The following GRIN2A variants were observed in gnomAD, a reference collection of about 807,000 sequenced individuals.
The protein encoded by GRIN2A is glutamate receptor ionotropic, NMDA 2A.
GRIN2A carries 22 observed loss-of-function variants against 113.4 expected under a neutral mutation model. That is an observed-to-expected ratio of 0.19 (90% CI 0.14 to 0.28). The LOEUF is 0.28. Ranked by LOEUF, GRIN2A falls within the 10% of genes least tolerant of loss-of-function variation. GRIN2A has a pLI of 1.00. For missense variants in GRIN2A, 1,502 were observed against 1,887.0 expected, an observed-to-expected ratio of 0.80 and a Z score of 3.78; for synonymous variants, 827 against 738.4, an observed-to-expected ratio of 1.12 and a Z score of -1.94.
rs762437402 is a variant in GRIN2A, at chr16:9,763,314, C to G, written c.4230G>C (p.Ser1410=). 6.2e-7 allele frequency: 1 copy of G among 1,614,096 alleles called. No individual in the cohort carries two copies. Among genetic ancestry groups the G allele is most frequent in the Non-Finnish European group, 8.5e-7 (1 of 1,179,974 alleles). ...YLRSSLRSTA[S]YCSRDSRGHN... is the part of the protein sequence containing the mutation. ...GGCCCCGACTGTCCCTGGAACAGTACGATGCCGTTGACCTCAAGGACGACC... is the reference window on the plus strand; with the variant it reads ...GGCCCCGACTGTCCCTGGAACAGTAGGATGCCGTTGACCTCAAGGACGACC... Residue 1410 remains serine (S), a synonymous_variant, in exon 13 of 13, where the codon TCG becomes TCC. Coordinates refer to ENST00000330684, the MANE Select transcript of GRIN2A (RefSeq NM_001134407.3).
At chr16:10,066,984 GCA>G (rs1217539275) in intron 2 of GRIN2A, among the ~76,000 whole-genome samples, 1 of 152,164 alleles carries the variant, frequency 6.6e-6, no homozygotes, top group African/African-American at 2.4e-5. Flanking sequence ...TGCTACACCA[GCA>G]CACTCCCTAG....
chr16:9,886,332 A>G (rs145604919), intron 4 of GRIN2A, among the ~76,000 whole-genome samples: 1 of 152,226 alleles, frequency 6.6e-6, no homozygotes, highest in Admixed American at 6.5e-5. Flanking sequence ...TGAAAGATGG[A>G]TAAGAGAAAG....
intron 2 of GRIN2A, among the ~76,000 whole-genome samples, chr16:10,015,080 C>G (rs2046577169): frequency 6.6e-6 from 1 of 151,584 alleles, no homozygotes; most frequent in Non-Finnish European, 1.5e-5. Context: ...ATAGTGAAAT[C>G]TCATCTCTAC....
intron 2 of GRIN2A, among the ~76,000 whole-genome samples, chr16:9,980,217 G>A (rs2045864470): frequency 6.7e-6 from 1 of 149,082 alleles, no homozygotes; most frequent in Admixed American, 6.7e-5. Context: ...AGGTTGCAGT[G>A]AGCCGAGATC....
intron 11 of GRIN2A, among the ~76,000 whole-genome samples, chr16:9,785,768 T>C (rs1472633081): frequency 4.6e-5 from 7 of 152,154 alleles, no homozygotes. Context: ...AGAAAGGATG[T>C]AGAAATGCCC....
chr16:10,123,606 C>T (rs1276205522), intron 2 of GRIN2A, among the ~76,000 whole-genome samples: 4 of 151,702 alleles, frequency 2.6e-5, no homozygotes, highest in African/African-American at 7.3e-5. Context: ...GCACGTGAAT[C>T]GCCGAGGGAT....
intron 2 of GRIN2A, among the ~76,000 whole-genome samples, chr16:10,114,987 T>C (rs2048701511): frequency 6.6e-6 from 1 of 152,266 alleles, no homozygotes; most frequent in South Asian, 2.1e-4. Context: ...CGTCCCCACA[T>C]GGCATTAATC....
At chr16:9,774,857 T>C (rs1269070116) in intron 11 of GRIN2A, among the ~76,000 whole-genome samples, 2 of 152,204 alleles carry the variant, frequency 1.3e-5, no homozygotes, top group African/African-American at 4.8e-5. Context: ...GGGGGTGGGA[T>C]GGACCACATA....
At chr16:10,124,273 C>T (rs2048885752) in intron 2 of GRIN2A, among the ~76,000 whole-genome samples, 2 of 152,118 alleles carry the variant, frequency 1.3e-5, no homozygotes, top group Admixed American at 6.5e-5. Context: ...TGAGATCCTT[C>T]GTTTGCTTAC....
At chr16:10,021,461 G>T (rs527751806) in intron 2 of GRIN2A, among the ~76,000 whole-genome samples, 1 of 152,198 alleles carries the variant, frequency 6.6e-6, no homozygotes, top group East Asian at 1.9e-4. Flanking sequence ...GCAGTCTACC[G>T]CAGACTCCAA....
At chr16:9,991,453 G>C (rs998978653) in intron 2 of GRIN2A, among the ~76,000 whole-genome samples, 5 of 152,146 alleles carry the variant, frequency 3.3e-5, no homozygotes, top group Non-Finnish European at 7.4e-5. Flanking sequence ...TTGTTATATG[G>C]ATATATTGTG....
Position 10,170,913 on chromosome 16 carries a change from C to T in GRIN2A, c.414+9085G>A, listed in dbSNP as rs534924102. On this transcript the variant is annotated intron_variant, in intron 2 of 12. Transcript: ENST00000330684. ...AAAAAAAAAAAATTGTGTTGTACACCTTTAATATATACAATTTTTCTTTGT... is the reference window on the plus strand; with the variant it reads ...AAAAAAAAAAAATTGTGTTGTACACTTTTAATATATACAATTTTTCTTTGT... Among the ~76,000 whole-genome samples, 5 of 151,556 alleles carry T rather than the reference C, an allele frequency of 3.3e-5. No individual in the cohort carries two copies. The East Asian group carries it at 9.7e-4, about 29-fold the overall frequency.
In GRIN2A at chr16:9,901,978, T is replaced by C. The variant is rs189160974; in HGVS notation, c.1008-10878A>G. Among the ~76,000 whole-genome samples the C allele has an allele frequency of 3.1e-3, 470 of 152,248 alleles. 2 individuals are homozygous for C. The highest frequency in any genetic ancestry group is 8.7e-3 in the African/African-American group (361 of 41,514). On this transcript the variant is annotated intron_variant, in intron 3 of 12. Coordinates refer to ENST00000330684, the MANE Select transcript of GRIN2A (RefSeq NM_001134407.3). ...ATGTTGAATGGTGTGCCAGATACTTTCCATATGTTACCTGAATTCTCACCC... is the reference window on the plus strand; with the variant it reads ...ATGTTGAATGGTGTGCCAGATACTTCCCATATGTTACCTGAATTCTCACCC...
chr16:9,869,139 G>T (rs73500618), intron 4 of GRIN2A, among the ~76,000 whole-genome samples: 5,355 of 152,118 alleles, frequency 0.035, 342 homozygotes, highest in African/African-American at 0.12. Flanking sequence ...AAATACCTAT[G>T]AAATGAACAA....
intron 2 of GRIN2A, among the ~76,000 whole-genome samples, chr16:10,077,802 G>A (rs72774159): frequency 0.091 from 13,817 of 152,096 alleles, 700 homozygotes; most frequent in Non-Finnish European, 0.11. Flanking sequence ...GCTCTTCTGC[G>A]TAGCCCACTC....
chr16:9,900,469 T>G (rs1277840331), intron 3 of GRIN2A, among the ~76,000 whole-genome samples: 1 of 152,210 alleles, frequency 6.6e-6, no homozygotes, highest in East Asian at 1.9e-4. Flanking sequence ...ACAACCGCTA[T>G]GTCTAAAACT....
intron 8 of GRIN2A, among the ~76,000 whole-genome samples, chr16:9,830,627 G>A (rs908682846): frequency 2.6e-5 from 4 of 152,112 alleles, no homozygotes; most frequent in African/African-American, 9.7e-5. Flanking sequence ...TATAAGCAGA[G>A]TGGGCAATAA....
At chr16:10,047,656 T>C (rs1334182291) in intron 2 of GRIN2A, among the ~76,000 whole-genome samples, 1 of 152,214 alleles carries the variant, frequency 6.6e-6, no homozygotes, top group Non-Finnish European at 1.5e-5. Context: ...CACCTTCATC[T>C]TTGTAGGAGA....
intron 4 of GRIN2A, among the ~76,000 whole-genome samples, chr16:9,852,999 A>G (rs1377693775): frequency 2.6e-5 from 4 of 152,316 alleles, no homozygotes; most frequent in East Asian, 3.9e-4. Context: ...ACACAAAAAC[A>G]TATGTTCATA....
Sources: gnomAD v4.1 joint callset for allele counts (sites outside exome capture counted in the v4.1 genomes callset) on GRCh38, gnomAD v4.1.1 for gene constraint, MANE v1.5 for transcripts, NCBI Gene and HGNC (gene_info 2026-07-23, HGNC 2026-07-21) for gene names.